The following HCFC1R1 variants were observed in gnomAD, a reference collection of about 807,000 sequenced individuals.
HCFC1R1 encodes the protein host cell factor C1 regulator 1, also known as HCF-1 beta-propeller-interacting protein.
In HCFC1R1, 17 loss-of-function variants were observed where a neutral mutation model predicts 13.3. The observed-to-expected ratio is 1.28, with a 90% CI of 0.87 to 1.91. The LOEUF (loss-of-function observed/expected upper bound fraction) is 1.91, where lower values mean the gene tolerates loss of function less well. Ranked by LOEUF, HCFC1R1 falls within the 40% of genes most tolerant of loss-of-function variation. The probability of loss-of-function intolerance (pLI) is 0.00; values close to 1 mark genes in which losing one functional copy is unlikely to be tolerated. For missense variants in HCFC1R1, 218 were observed against 177.9 expected (o/e 1.23, Z -1.28); for synonymous variants, 87 against 71.1 (o/e 1.22, Z -1.12).
In HCFC1R1 at chr16:3,023,861, C is replaced by T. The variant is rs1424324098; in HGVS notation, c.81G>A (p.Trp27Ter). 6.5e-7 allele frequency: 1 copy of T among 1,547,364 alleles called. No individual in the cohort carries two copies. The highest frequency in any genetic ancestry group is 1.2e-5 in the South Asian group (1 of 84,774). ...RLPRAALGVT[W>*]GLDASSPLRG... Reference sequence around the variant, plus strand: ...CCTACACGCACCTGGCGTCCAGGCCCCAAGTCACCCCCAAGGCGGCCCGCG... The same window carrying T: ...CCTACACGCACCTGGCGTCCAGGCCTCAAGTCACCCCCAAGGCGGCCCGCG... The change falls in exon 1 of 4, where the codon TGG becomes TGA. Residue 27 changes from tryptophan to a stop codon, truncating the protein, a stop_gained. Coordinates refer to ENST00000248089, the MANE Select transcript of HCFC1R1 (RefSeq NM_017885.4). LOFTEE classifies it high-confidence loss of function.
At chr16:3,024,091 G>A, upstream of HCFC1R1, 3 of 749,718 alleles carry the variant, frequency 4.0e-6, no homozygotes, top group Middle Eastern at 6.8e-4. Flanking sequence ...CGGAAGGCAG[G>A]CTTGCTCCTC....
In HCFC1R1 at chr16:3,023,843, G is replaced by A. The variant is rs1481818577; in HGVS notation, c.95+4C>T. The A allele has an allele frequency of 6.5e-7, 1 of 1,539,642 alleles. No individual in the cohort carries two copies. Among genetic ancestry groups the A allele is most frequent in the South Asian group, 1.2e-5 (1 of 84,372 alleles). On this transcript the variant is annotated splice_donor_region_variant and intron_variant, in intron 1 of 3. Coordinates refer to ENST00000248089, the MANE Select transcript of HCFC1R1 (RefSeq NM_017885.4). Reference sequence around the variant, plus strand: ...TCAGGCCCACCCTGGTCCCCTACACGCACCTGGCGTCCAGGCCCCAAGTCA... The same window carrying A: ...TCAGGCCCACCCTGGTCCCCTACACACACCTGGCGTCCAGGCCCCAAGTCA...
At chr16:3,024,095 G>A, upstream of HCFC1R1, 1 of 735,494 alleles carries the variant, frequency 1.4e-6, no homozygotes, top group Non-Finnish European at 2.2e-6. Context: ...AGGCAGGCTT[G>A]CTCCTCGGGG....
rs1164272492 is a variant in HCFC1R1 at position 3,023,337 on chromosome 16, C to T, written c.177G>A (p.Leu59=). 3.1e-6 allele frequency: 5 copies of T among 1,606,430 alleles called. No individual in the cohort carries two copies. Among genetic ancestry groups the T allele is most frequent in the Middle Eastern group, 1.7e-4 (1 of 6,016 alleles). ...EEQEPLRKQF[L]SEENMATHFS... is the part of the protein sequence containing the mutation. ...AGTGGGTGGCCATGTTCTCCTCAGA[C>T]AGAAACTGCTTGCGCAGAGGCTCCC... Residue 59 remains leucine, a synonymous_variant, in exon 3 of 4, where the codon CTG becomes CTA. Transcript: ENST00000248089.
In HCFC1R1 at chr16:3,023,378, G is replaced by C. The variant is rs1459401983; in HGVS notation, c.153-17C>G. 1.2e-6 allele frequency: 2 copies of C among 1,612,232 alleles called. No homozygotes were observed. Among genetic ancestry groups the C allele is most frequent in the African/African-American group, 2.7e-5 (2 of 74,872 alleles). On this transcript the variant is annotated splice_polypyrimidine_tract_variant and intron_variant, in intron 2 of 3. Transcript: ENST00000248089. ...AGAGGCTCCCTGGGGAGAGATGGCA[G>C]AGAGGCAGGCTGGGATACTGACACA...
intron 1 of HCFC1R1, 118 bp from the exon 2 acceptor site, chr16:3,023,648 C>T: frequency 1.6e-6 from 2 of 1,241,992 alleles, no homozygotes; most frequent in African/African-American, 1.5e-5. Context: ...TCAGCTGGTG[C>T]CGGTCCCCGC....
At chr16:3,023,035 G>C in intron 3 of HCFC1R1, 37 bp from the exon 4 acceptor site, 1 of 1,585,378 alleles carries the variant, frequency 6.3e-7, no homozygotes, top group Non-Finnish European at 8.5e-7. Context: ...ATGGAGCTGA[G>C]GCTGGCCTAG....
chr16:3,022,902 G>C lies in HCFC1R1; in HGVS notation c.378C>G (p.Pro126=), dbSNP rs1224406877. Residue 126 remains proline (P), a synonymous_variant, in exon 4 of 4, where the codon CCC becomes CCG. Coordinates refer to ENST00000248089, the MANE Select transcript of HCFC1R1 (RefSeq NM_017885.4). The stretch of plus-strand genomic sequence containing the variant: ...TGTCCCCAGCTGGGGTTGCAGGGTA[G>C]GGGGGACTGGGGGTGTCCCCCAGCC... ...LLRLGDTPSP[P]YPATPAGDIM... 2 of 1,557,518 alleles carry C rather than the reference G, an allele frequency of 1.3e-6. No individual in the cohort carries two copies. Among genetic ancestry groups the C allele is most frequent in the Non-Finnish European group, 1.7e-6 (2 of 1,162,920 alleles).
In HCFC1R1 at chr16:3,022,714, T is replaced by C. The variant is rs2072636197; in HGVS notation, c.*149A>G. 1 of 563,072 alleles carries C rather than the reference T, an allele frequency of 1.8e-6. No individual in the cohort carries two copies. Among genetic ancestry groups the C allele is most frequent in the Non-Finnish European group, 2.9e-6 (1 of 349,322 alleles). 34.9% of individuals were successfully genotyped at this position (563,072 alleles called of 1,614,324 possible). On this transcript the variant is annotated 3_prime_UTR_variant, in exon 4 of 4. Coordinates refer to ENST00000248089, the MANE Select transcript of HCFC1R1 (RefSeq NM_017885.4). ...CCACCCCTCCCATCCCAGAACTCCG[T>C]TGGGCTCAGTGTCCTCTGTTGAGGG...
At chr16:3,023,114 G>C in intron 3 of HCFC1R1, 116 bp from the exon 4 acceptor site, 2 of 1,515,068 alleles carry the variant, frequency 1.3e-6, no homozygotes, top group Non-Finnish European at 1.8e-6. Context: ...AAAGAGCCAA[G>C]ATGGGAAACA....
Position 3,022,805 on chromosome 16 carries a change from G to A in HCFC1R1, c.*58C>T, listed in dbSNP as rs756305658. On this transcript the variant is annotated 3_prime_UTR_variant, in exon 4 of 4. Transcript: ENST00000248089. ...GGAACCTTGTCCCTTTGCGGGAGTC[G>A]CTGGTCTCTTCTGTTGTGGGGAAGA... The A allele has an allele frequency of 1.4e-6, 2 of 1,406,372 alleles. No individual in the cohort carries two copies. The highest frequency in any genetic ancestry group is 9.3e-7 in the Non-Finnish European group (1 of 1,075,858). 87.1% of individuals were successfully genotyped at this position (1,406,372 alleles called of 1,614,324 possible).
Position 3,022,817 on chromosome 16 carries a change from T to C in HCFC1R1, c.*46A>G. ...CTTTGCGGGAGTCGCTGGTCTCTTCTGTTGTGGGGAAGAAGGAAGGTGGGA... is the reference window on the plus strand; with the variant it reads ...CTTTGCGGGAGTCGCTGGTCTCTTCCGTTGTGGGGAAGAAGGAAGGTGGGA... On this transcript the variant is annotated 3_prime_UTR_variant, in exon 4 of 4. Transcript: ENST00000248089. 4 of 1,450,962 alleles carry C rather than the reference T, an allele frequency of 2.8e-6. No individual in the cohort carries two copies. The highest frequency in any genetic ancestry group is 3.6e-6 in the Non-Finnish European group (4 of 1,105,338). 89.9% of individuals were successfully genotyped at this position (1,450,962 alleles called of 1,614,324 possible). A position where few individuals can be genotyped will look rare whatever the true frequency, so the allele number is the denominator to read the frequency against.
At chr16:3,023,778 C>T (rs1324705494) in intron 1 of HCFC1R1, 69 bp downstream of exon 1, 1 of 1,262,726 alleles carries the variant, frequency 7.9e-7, no homozygotes, top group Non-Finnish European at 1.1e-6. Context: ...ATCCTGCAGA[C>T]CAGTCCTGAG....
At chr16:3,024,066 A>ACGGGCGGCGCGTGGCGGAAGG (rs2151131904), upstream of HCFC1R1, 7 of 843,010 alleles carry the variant, frequency 8.3e-6, no homozygotes, top group East Asian at 1.6e-4. Flanking sequence ...GGCGCGGAAG[A>ACGGGCGGCGCGTGGCGGAAGG]CGGGCGGCGC....
Position 3,022,833 on chromosome 16 carries a change from G to A in HCFC1R1, c.*30C>T, listed in dbSNP as rs369726305. 8.8e-6 allele frequency: 13 copies of A among 1,483,146 alleles called. No homozygotes were observed. In the African/African-American group the frequency reaches 1.8e-4, roughly 20 times the overall value. The allele number at this position is 1,483,146 out of a possible 1,614,324, so 91.9% of individuals were successfully genotyped here. A position where few individuals can be genotyped will look rare whatever the true frequency, so the allele number is the denominator to read the frequency against. ...GGTCTCTTCTGTTGTGGGGAAGAAGGAAGGTGGGAGGGGCACTGTCCACCA... is the reference window on the plus strand; with the variant it reads ...GGTCTCTTCTGTTGTGGGGAAGAAGAAAGGTGGGAGGGGCACTGTCCACCA... On this transcript the variant is annotated 3_prime_UTR_variant, in exon 4 of 4. Coordinates refer to ENST00000248089, the MANE Select transcript of HCFC1R1 (RefSeq NM_017885.4).
At position 3,022,816 on chromosome 16, in the gene HCFC1R1, C is replaced by G; in HGVS notation, c.*47G>C. On this transcript the variant is annotated 3_prime_UTR_variant, in exon 4 of 4. Transcript: ENST00000248089. ...CCTTTGCGGGAGTCGCTGGTCTCTT[C>G]TGTTGTGGGGAAGAAGGAAGGTGGG... 45 of 1,430,178 alleles carry G rather than the reference C, an allele frequency of 3.1e-5. No homozygotes were observed. Among genetic ancestry groups the G allele is most frequent in the East Asian group, 2.9e-5 (1 of 34,174 alleles). 88.6% of individuals were successfully genotyped at this position (1,430,178 alleles called of 1,614,324 possible).
chr16:3,024,182 T>C, upstream of HCFC1R1: 1 of 1,011,346 alleles, frequency 9.9e-7, no homozygotes, highest in Non-Finnish European at 1.5e-6. Flanking sequence ...GGCGCTCACC[T>C]CGGCTCCTAG....
In HCFC1R1 at chr16:3,023,934, A is replaced by G. The variant is rs1436520013; in HGVS notation, c.8T>C (p.Leu3Pro). MILQQPLQRGPQG... is the reference protein window; with the variant it reads MIPQQPLQRGPQG... ...GGGGCCTCGCTGCAAGGGCTGCTGCAGGATCATTGGGTTTTGGGGTCCTGC... is the reference window on the plus strand; with the variant it reads ...GGGGCCTCGCTGCAAGGGCTGCTGCGGGATCATTGGGTTTTGGGGTCCTGC... Residue 3 changes from leucine (L) to proline (P), a missense_variant, in exon 1 of 4, where the codon CTG becomes CCG. Physicochemically the swap from Leu to Pro is moderately conservative, Grantham distance 98. Coordinates refer to ENST00000248089, the MANE Select transcript of HCFC1R1 (RefSeq NM_017885.4). The G allele has an allele frequency of 3.9e-6, 6 of 1,555,072 alleles. No homozygotes were observed. Among genetic ancestry groups the G allele is most frequent in the African/African-American group, 1.4e-5 (1 of 73,918 alleles).
At chr16:3,023,645 G>T in intron 1 of HCFC1R1, 115 bp from the exon 2 acceptor site, 1 of 1,281,356 alleles carries the variant, frequency 7.8e-7, no homozygotes, top group Non-Finnish European at 1.1e-6. Flanking sequence ...GTCTCAGCTG[G>T]TGCCGGTCCC....
Sources: allele counts gnomAD v4.1 joint callset, GRCh38; gene constraint gnomAD v4.1.1; transcripts MANE v1.5; gene names NCBI Gene and HGNC (gene_info 2026-07-23, HGNC 2026-07-21).